CAMKMT: variants seen among roughly 807,000 people sequenced by gnomAD.
The protein encoded by CAMKMT is calmodulin-lysine N-methyltransferase.
A neutral mutation model predicts 48.0 loss-of-function variants in CAMKMT; 53 were observed. The ratio of observed to expected loss-of-function variants is 1.10; its 90% confidence interval spans 0.89 to 1.39. The LOEUF (loss-of-function observed/expected upper bound fraction) is 1.39. CAMKMT is among the 40% of genes most tolerant of loss of function. The pLI is 0.00. For synonymous variants in CAMKMT, 165 were observed against 152.3 expected (o/e 1.08, Z -0.61); for missense variants, 428 against 402.7 (o/e 1.06, Z -0.54).
At chr2:44,478,858 G>A (rs1459792812) in intron 3 of CAMKMT, among the ~76,000 whole-genome samples, 1 of 151,882 alleles carries the variant, frequency 6.6e-6, no homozygotes, top group Non-Finnish European at 1.5e-5. Context: ...CCGCCACCAC[G>A]CCGGCTAATT....
At chr2:44,426,216 G>A (rs913647047) in intron 3 of CAMKMT, among the ~76,000 whole-genome samples, 13 of 152,124 alleles carry the variant, frequency 8.5e-5, no homozygotes, top group African/African-American at 2.2e-4. Flanking sequence ...TGGAAAAGGC[G>A]GGTAAATCAA....
At chr2:44,575,258 T>C (rs546080614) in intron 3 of CAMKMT, among the ~76,000 whole-genome samples, 2 of 152,088 alleles carry the variant, frequency 1.3e-5, no homozygotes, top group East Asian at 3.9e-4. Flanking sequence ...TTTGTATTTT[T>C]AGTAGAGATG....
At chr2:44,447,752 A>G (rs1298587076) in intron 3 of CAMKMT, among the ~76,000 whole-genome samples, 1 of 152,236 alleles carries the variant, frequency 6.6e-6, no homozygotes, top group African/African-American at 2.4e-5. Context: ...GCATAAAAGT[A>G]TAATCCTTCT....
At position 44,618,747 on chromosome 2, in the gene CAMKMT, G is replaced by A. The variant is rs879895073; in HGVS notation, c.377-85536G>A. ...AGGTTTGAAATATTTATTTGAAGGC[G>A]CCTTCTGCAGAGTTCAGCAGTAAGG... is the stretch of plus-strand genomic sequence containing the variant. On this transcript the variant is annotated intron_variant, in intron 3 of 10. Transcript: ENST00000378494. The surrounding 1 kb of genome is among the most constrained non-coding windows in gnomAD (Gnocchi z 4.0). 6.6e-6 allele frequency among the ~76,000 whole-genome samples: 1 copy of A among 152,118 alleles called. No homozygotes were observed. Among genetic ancestry groups the A allele is most frequent in the Admixed American group, 6.5e-5 (1 of 15,268 alleles).
At chr2:44,397,281 T>A (rs1374396364) in intron 3 of CAMKMT, among the ~76,000 whole-genome samples, 2 of 152,046 alleles carry the variant, frequency 1.3e-5, no homozygotes, top group Non-Finnish European at 2.9e-5. Context: ...AATAGAAAAT[T>A]TATAAGTTGT....
At chr2:44,445,056 CTAG>C (rs1666898143) in intron 3 of CAMKMT, among the ~76,000 whole-genome samples, 1 of 152,152 alleles carries the variant, frequency 6.6e-6, no homozygotes, top group Admixed American at 6.5e-5. Context: ...GTGAGCATGG[CTAG>C]TTTCTGCCAA....
At chr2:44,468,035 CA>C (rs932466584) in intron 3 of CAMKMT, among the ~76,000 whole-genome samples, 1 of 152,048 alleles carries the variant, frequency 6.6e-6, no homozygotes, top group African/African-American at 2.4e-5. Flanking sequence ...AGCTTTTGCA[CA>C]ACAGAATAAA....
Position 44,771,994 on chromosome 2 carries a change from A to T in CAMKMT, c.895-42A>T. The T allele has an allele frequency of 2.9e-6, 4 of 1,362,712 alleles. 1 individual carries two copies. In the South Asian group the frequency reaches 4.8e-5, roughly 16 times the overall value. 84.4% of individuals were successfully genotyped at this position (1,362,712 alleles called of 1,614,324 possible). A position where few individuals can be genotyped will look rare whatever the true frequency, so the allele number is the denominator to read the frequency against. ...TAATATTGACTGGTAAAGATCCCTA[A>T]TTGGAGTCCCCTTACCTTTTTCTTT... On this transcript the variant is annotated intron_variant, in intron 10 of 10. Coordinates refer to ENST00000378494, the MANE Select transcript of CAMKMT (RefSeq NM_024766.5).
At chr2:44,363,657 G>A (rs1678247918) in intron 1 of CAMKMT, among the ~76,000 whole-genome samples, 1 of 150,966 alleles carries the variant, frequency 6.6e-6, no homozygotes, top group Admixed American at 6.6e-5. Context: ...TGGGATTACA[G>A]GCATGAGCCA....
rs534322237 is a variant in CAMKMT, at chr2:44,404,774, C to G, written c.376+14469C>G. ...TTTTATGCTTTTAGGATGATCTTTC[C>G]TAGTTTCTTTTTCTACTGTCTTAGA... On this transcript the variant is annotated intron_variant, in intron 3 of 10. Transcript: ENST00000378494. Among the ~76,000 whole-genome samples the G allele has an allele frequency of 2.0e-5, 3 of 151,898 alleles. No homozygotes were observed. In the South Asian group the frequency reaches 6.2e-4, roughly 32 times the overall value.
chr2:44,585,362 A>G (rs544142493), intron 3 of CAMKMT, among the ~76,000 whole-genome samples: 1 of 152,346 alleles, frequency 6.6e-6, no homozygotes, highest in South Asian at 2.1e-4. Flanking sequence ...AACTTCAGAA[A>G]GGATTTTGAT....
chr2:44,415,107 C>T (rs959156257), intron 3 of CAMKMT, among the ~76,000 whole-genome samples: 2 of 152,064 alleles, frequency 1.3e-5, no homozygotes, highest in South Asian at 2.1e-4. Flanking sequence ...GCTGAGATGG[C>T]GCCACTGCAC....
intron 3 of CAMKMT, among the ~76,000 whole-genome samples, chr2:44,588,762 T>C (rs374820129): frequency 1.3e-4 from 4 of 31,600 alleles, no homozygotes; most frequent in East Asian, 6.3e-4. Context: ...TCTGCCCGGC[T>C]GCCCCTACTG....
Position 44,372,882 on chromosome 2 carries a change from C to G in CAMKMT, c.305C>G (p.Ser102Cys), listed in dbSNP as rs764695889. Residue 102 changes from serine (S) to cysteine (C), a missense_variant, in exon 2 of 11, where the codon TCC (serine) becomes TGC (cysteine). By Grantham distance (112) the Ser-to-Cys change is moderately radical. Coordinates refer to ENST00000378494, the MANE Select transcript of CAMKMT (RefSeq NM_024766.5). ...TSIFCPEYSI[S>C]LRHNSGSLNV... ...ATCTTCTGTCCTGAATACAGTATCT[C>G]CTTAAGGTAACCATTATTCTAGTTA... 8.1e-6 allele frequency: 13 copies of G among 1,608,764 alleles called. No homozygotes were observed. Among genetic ancestry groups the G allele is most frequent in the Non-Finnish European group, 1.1e-5 (13 of 1,178,368 alleles).
intron 6 of CAMKMT, among the ~76,000 whole-genome samples, chr2:44,713,150 T>C (rs904394180): frequency 2.6e-5 from 4 of 152,184 alleles, no homozygotes; most frequent in African/African-American, 7.2e-5. Flanking sequence ...GGTTTATAAA[T>C]TGTATAAAAG....
intron 3 of CAMKMT, among the ~76,000 whole-genome samples, chr2:44,418,113 A>T (rs1683687607): frequency 6.6e-6 from 1 of 150,846 alleles, no homozygotes; most frequent in Non-Finnish European, 1.5e-5. Context: ...AATCGATTGA[A>T]CCTGGGAGGC....
At chr2:44,519,592 T>A (rs72879378) in intron 3 of CAMKMT, among the ~76,000 whole-genome samples, 2,782 of 152,316 alleles carry the variant, frequency 0.018, 70 homozygotes, top group African/African-American at 0.057. Flanking sequence ...GAGTGACTTC[T>A]TTCTATCAGA....
At chr2:44,565,834 C>A (rs1668585623) in intron 3 of CAMKMT, among the ~76,000 whole-genome samples, 1 of 152,144 alleles carries the variant, frequency 6.6e-6, no homozygotes, top group South Asian at 2.1e-4. Flanking sequence ...ACTATTTTGA[C>A]CCTAAAAATA....
intron 3 of CAMKMT, chr2:44,394,984 C>T (rs1298991788): frequency 1.3e-5 from 6 of 448,966 alleles, no homozygotes; most frequent in Non-Finnish European, 2.7e-5. Context: ...TATAGCAAGA[C>T]TTTTCCTGTA....
Sources: gnomAD v4.1 joint callset for allele counts (sites outside exome capture counted in the v4.1 genomes callset) on GRCh38, gnomAD v4.1.1 for gene constraint, Gnocchi (gnomAD v3.1) non-coding constraint, MANE v1.5 for transcripts, NCBI Gene and HGNC (gene_info 2026-07-23, HGNC 2026-07-21) for gene names.